Variants in PCDHGA1 observed in about 807,000 individuals in gnomAD.
The protein encoded by PCDHGA1 is protocadherin gamma subfamily A, 1.
PCDHGA1 carries 32 observed loss-of-function variants against 58.0 expected under a neutral mutation model. That is an observed-to-expected ratio of 0.55 (90% confidence interval 0.42 to 0.74). The LOEUF is 0.74. PCDHGA1 is among the 30% of genes least tolerant of loss of function. The pLI is 0.00. For synonymous variants in PCDHGA1, 498 were observed against 501.1 expected (o/e 0.99, Z 0.08); for missense variants, 1,205 against 1,182.3 (o/e 1.02, Z -0.28).
rs759212140 is a variant in PCDHGA1 at position 141,332,781 on chromosome 5, G to T, written c.2097G>T (p.Ala699=). The change falls in exon 1 of 4, where the codon GCG becomes GCT. Residue 699 remains alanine, a synonymous_variant. Coordinates refer to ENST00000517417, the MANE Select transcript of PCDHGA1 (RefSeq NM_018912.3). This position sits in a 1 kb window ranked among gnomAD's most constrained non-coding sequence, Gnocchi z 4.6. ...TGTACCTGGTGGTGGCGGCGGCCGC[G>T]GTCTCCTGCGTCTTCCTGGCCTTCG... ...LTLYLVVAAA[A]VSCVFLAFVI... is the part of the protein sequence containing the mutation. 4.1e-5 allele frequency: 66 copies of T among 1,614,012 alleles called. No individual in the cohort carries two copies. The highest frequency in any genetic ancestry group is 5.4e-5 in the Non-Finnish European group (64 of 1,180,016).
chr5:141,366,069 G>T (rs544928184), intron 1 of PCDHGA1: 12 of 1,614,216 alleles, frequency 7.4e-6, no homozygotes, highest in African/African-American at 2.7e-5. Context: ...CTGGCGCCTC[G>T]CTCCGCAGAA....
chr5:141,455,798 T>TA (rs2098831882), intron 1 of PCDHGA1, among the ~76,000 whole-genome samples: 1 of 152,036 alleles, frequency 6.6e-6, no homozygotes, highest in African/African-American at 2.4e-5. Flanking sequence ...GGAGATGCTT[T>TA]AAAAAATGAA....
Position 141,332,139 on chromosome 5 carries a change from A to C in PCDHGA1, c.1455A>C (p.Ala485=), listed in dbSNP as rs957823758. 3.7e-6 allele frequency: 6 copies of C among 1,614,072 alleles called. No homozygotes were observed. The highest frequency in any genetic ancestry group is 3.3e-5 in the Admixed American group (2 of 60,002). The change falls in exon 1 of 4, where the codon GCA becomes GCC. Residue 485 remains alanine (A), a synonymous_variant. Transcript: ENST00000517417. The surrounding 1 kb of genome is among the most constrained non-coding windows in gnomAD (Gnocchi z 4.6). ...RAHDLDSNEN[A]QITYSLIEDT... is the part of the protein sequence containing the mutation. ...ACGACTTGGACAGCAATGAGAATGC[A>C]CAAATCACTTACTCCCTAATAGAGG... is the stretch of plus-strand genomic sequence containing the variant.
chr5:141,385,609 A>AT (rs1360178959), intron 1 of PCDHGA1: 2 of 1,138,046 alleles, frequency 1.8e-6, no homozygotes, highest in African/African-American at 3.2e-5. Flanking sequence ...TAACTCATAT[A>AT]TTTTATACAT....
At position 141,363,955 on chromosome 5, in the gene PCDHGA1, A is replaced by C. The variant is rs139714384; in HGVS notation, c.2421+30850A>C. 3.1e-4 allele frequency among the ~76,000 whole-genome samples: 47 copies of C among 152,356 alleles called. No individual in the cohort carries two copies. The East Asian group carries it at 8.9e-3, about 29-fold the overall frequency. ...TCTAATAATCATATTGATCTCAGGG[A>C]TTGTGGAAGTCTTGCTATTCAGAAT... On this transcript the variant is annotated intron_variant, in intron 1 of 3. Coordinates refer to ENST00000517417, the MANE Select transcript of PCDHGA1 (RefSeq NM_018912.3).
intron 2 of PCDHGA1, among the ~76,000 whole-genome samples, chr5:141,503,954 C>T (rs2099834393): frequency 6.6e-6 from 1 of 152,186 alleles, no homozygotes; most frequent in Non-Finnish European, 1.5e-5. Flanking sequence ...GCCTACCCTA[C>T]AGCCTTTCCC....
chr5:141,338,870 T>G (rs1273130482), intron 1 of PCDHGA1: 14 of 1,446,502 alleles, frequency 9.7e-6, no homozygotes, highest in Middle Eastern at 2.3e-4. Context: ...CATAGGGACC[T>G]GGGTCCCGTG....
chr5:141,348,193 G>C (rs1758078679), intron 1 of PCDHGA1, among the ~76,000 whole-genome samples: 1 of 152,194 alleles, frequency 6.6e-6, no homozygotes. Context: ...TCAAACAAAA[G>C]AATAGATTCC....
At chr5:141,359,119 G>T (rs1761122715) in intron 1 of PCDHGA1, among the ~76,000 whole-genome samples, 1 of 152,182 alleles carries the variant, frequency 6.6e-6, no homozygotes, top group Non-Finnish European at 1.5e-5. Flanking sequence ...GAAAGTTGTG[G>T]TGCAATACAT....
intron 1 of PCDHGA1, chr5:141,382,938 C>G (rs1778602174): frequency 6.3e-7 from 1 of 1,592,964 alleles, no homozygotes; most frequent in Admixed American, 1.7e-5. Context: ...ACAGAGGATT[C>G]TTCCTGCTCT....
intron 1 of PCDHGA1, among the ~76,000 whole-genome samples, chr5:141,469,642 A>G (rs1339074059): frequency 2.0e-5 from 3 of 152,244 alleles, no homozygotes; most frequent in Admixed American, 6.5e-5. Flanking sequence ...AAATATTTTG[A>G]TGACATAATT....
At chr5:141,467,273 G>T (rs879618653) in intron 1 of PCDHGA1, among the ~76,000 whole-genome samples, 1 of 151,828 alleles carries the variant, frequency 6.6e-6, no homozygotes, top group Admixed American at 6.6e-5. Context: ...GGCTGGTCTC[G>T]AACTCTTGAC....
At chr5:141,405,830 G>A (rs1214599375) in intron 1 of PCDHGA1, among the ~76,000 whole-genome samples, 3 of 152,148 alleles carry the variant, frequency 2.0e-5, no homozygotes, top group East Asian at 1.9e-4. Flanking sequence ...ACTTAAGGTA[G>A]TATAAGTTGA....
At chr5:141,384,697 C>A in intron 1 of PCDHGA1, 1 of 1,614,142 alleles carries the variant, frequency 6.2e-7, no homozygotes, top group South Asian at 1.1e-5. Flanking sequence ...AGATTCAGGC[C>A]AGAACGCCTG....
At chr5:141,375,224 C>T in intron 1 of PCDHGA1, 1 of 1,613,976 alleles carries the variant, frequency 6.2e-7, no homozygotes, top group South Asian at 1.1e-5. Context: ...CCTGAATGGC[C>T]TGGTAACCTG....
In PCDHGA1 at chr5:141,360,972, C is replaced by T. The variant is rs746958816; in HGVS notation, c.2421+27867C>T. On this transcript the variant is annotated intron_variant, in intron 1 of 3. Coordinates refer to ENST00000517417, the MANE Select transcript of PCDHGA1 (RefSeq NM_018912.3). The stretch of plus-strand genomic sequence containing the variant: ...AAGGCATAAACGCAGAGATCACCTA[C>T]TCCTTTCATAATGTGGACGAACAAG... 1.1e-5 allele frequency: 18 copies of T among 1,613,750 alleles called. No individual in the cohort carries two copies. In the East Asian group the frequency reaches 3.1e-4, roughly 28 times the overall value.
At chr5:141,335,448 A>T (rs937480320) in intron 1 of PCDHGA1, among the ~76,000 whole-genome samples, 1 of 152,206 alleles carries the variant, frequency 6.6e-6, no homozygotes, top group Non-Finnish European at 1.5e-5. Context: ...AACTGATTAT[A>T]GTTGTAAAAA....
chr5:141,332,612 T>C lies in PCDHGA1; in HGVS notation c.1928T>C (p.Val643Ala), dbSNP rs763649597. Reference sequence around the variant, plus strand: ...AGAGACGCGCTCAAGCAGAGTCTCGTGGTGGCCGTCCAGGACCACGGCCAG... The same window carrying C: ...AGAGACGCGCTCAAGCAGAGTCTCGCGGTGGCCGTCCAGGACCACGGCCAG... ...LDRDALKQSL[V>A]VAVQDHGQPP... The change falls in exon 1 of 4, where the codon GTG becomes GCG. Residue 643 changes from valine (V) to alanine (A), a missense_variant. By Grantham distance (64) the Val-to-Ala change is moderately conservative (BLOSUM62 0). Coordinates refer to ENST00000517417, the MANE Select transcript of PCDHGA1 (RefSeq NM_018912.3). This position sits in a 1 kb window ranked among gnomAD's most constrained non-coding sequence, Gnocchi z 4.6. 7.4e-6 allele frequency: 12 copies of C among 1,612,850 alleles called. No individual in the cohort carries two copies. In the African/African-American group the frequency reaches 1.3e-4, roughly 18 times the overall value.
chr5:141,405,401 TC>T (rs1176566209), intron 1 of PCDHGA1: 1 of 1,591,534 alleles, frequency 6.3e-7, no homozygotes, highest in Non-Finnish European at 8.6e-7. Flanking sequence ...TTTCTTTCTT[TC>T]TTTTCTTTTT....
Sources: gnomAD v4.1 joint callset for allele counts (sites outside exome capture counted in the v4.1 genomes callset) on GRCh38, gnomAD v4.1.1 for gene constraint, Gnocchi (gnomAD v3.1) non-coding constraint, MANE v1.5 for transcripts, NCBI Gene and HGNC (gene_info 2026-07-23, HGNC 2026-07-21) for gene names.